Variants in P2RX7 observed in about 807,000 individuals in gnomAD.
P2RX7 encodes purinergic receptor P2X 7, also known as P2X purinoceptor 7.
In P2RX7, 62 loss-of-function variants were observed where a neutral mutation model predicts 71.6. That is an observed-to-expected ratio of 0.87 (90% confidence interval 0.71 to 1.07). The LOEUF (loss-of-function observed/expected upper bound fraction) is 1.07, where lower values mean the gene tolerates loss of function less well. Among genes scored for constraint, P2RX7 ranks in the 50% least tolerant of loss-of-function variants. The probability of loss-of-function intolerance (pLI) is 0.00; values close to 1 mark genes in which losing one functional copy is unlikely to be tolerated. For synonymous variants in P2RX7, 299 were observed against 283.3 expected (o/e 1.06, Z -0.56); for missense variants, 686 against 748.5 (o/e 0.92, Z 0.97).
intron 1 of P2RX7, among the ~76,000 whole-genome samples, chr12:121,141,732 C>T (rs114147439): frequency 1.4e-3 from 218 of 152,292 alleles, no homozygotes; most frequent in African/African-American, 4.9e-3. Context: ...GGGTTCTGTT[C>T]TTAGCATGTG....
chr12:121,134,453 G>A (rs1213038807), intron 1 of P2RX7, among the ~76,000 whole-genome samples: 8 of 152,014 alleles, frequency 5.3e-5, no homozygotes, highest in Admixed American at 2.6e-4. Flanking sequence ...GTGCAGTGGC[G>A]CAATCTTGGC....
At chr12:121,144,074 G>A (rs889424926) in intron 1 of P2RX7, among the ~76,000 whole-genome samples, 4 of 152,074 alleles carry the variant, frequency 2.6e-5, no homozygotes, top group African/African-American at 9.7e-5. Context: ...GCTCAACCCA[G>A]GTAACCATGA....
chr12:121,177,255 G>A, intron 10 of P2RX7, 42 bp from the exon 11 acceptor site: 2 of 1,614,150 alleles, frequency 1.2e-6, no homozygotes, highest in South Asian at 2.2e-5. Flanking sequence ...ATGGTTTGGA[G>A]AAGGAAGTGA....
At chr12:121,167,340 G>A in intron 7 of P2RX7, 148 bp from the exon 8 acceptor site, 4 of 809,256 alleles carry the variant, frequency 4.9e-6, no homozygotes, top group South Asian at 1.7e-5. Flanking sequence ...TAACACTTGT[G>A]CGAGTTAGGT....
chr12:121,136,023 A>AAATATATATATATATATATATAT, intron 1 of P2RX7, among the ~76,000 whole-genome samples: 1 of 15,260 alleles, frequency 6.6e-5, no homozygotes, highest in Non-Finnish European at 1.8e-4. Context: ...AAAAAAAAAA[A>AAATATATATATATATATATATAT]ATATATATAT....
At chr12:121,137,586 T>C (rs1873960105) in intron 1 of P2RX7, among the ~76,000 whole-genome samples, 1 of 152,254 alleles carries the variant, frequency 6.6e-6, no homozygotes, top group Non-Finnish European at 1.5e-5. Flanking sequence ...TCTTGGTTAA[T>C]GGACTATCTA....
chr12:121,170,064 G>A (rs1185989327), intron 8 of P2RX7, among the ~76,000 whole-genome samples: 2 of 152,160 alleles, frequency 1.3e-5, no homozygotes, highest in Non-Finnish European at 2.9e-5. Flanking sequence ...AGACGTTTGA[G>A]TTTGAAACCC....
At chr12:121,139,733 CTTTT>C (rs10696338) in intron 1 of P2RX7, among the ~76,000 whole-genome samples, 7,339 of 126,708 alleles carry the variant, frequency 0.058, 212 homozygotes, top group South Asian at 0.083. Flanking sequence ...CCCTGACCAT[CTTTT>C]TTTTTTTTTT....
intron 3 of P2RX7, among the ~76,000 whole-genome samples, chr12:121,157,425 G>C (rs1206686347): frequency 6.6e-6 from 1 of 152,170 alleles, no homozygotes; most frequent in Non-Finnish European, 1.5e-5. Context: ...CGTCTAAAAG[G>C]AGAGCTTTCT....
intron 1 of P2RX7, among the ~76,000 whole-genome samples, chr12:121,142,809 C>G (rs1000922504): frequency 1.3e-5 from 2 of 152,158 alleles, no homozygotes; most frequent in Non-Finnish European, 2.9e-5. Flanking sequence ...TTAACTTTGG[C>G]CAGGTGCAGT....
chr12:121,154,806 G>A lies in P2RX7; in HGVS notation c.147G>A (p.Lys49=), dbSNP rs776199891. Residue 49 remains lysine (K), a synonymous_variant, in exon 2 of 13, where the codon AAG becomes AAA. Coordinates refer to ENST00000328963, the MANE Select transcript of P2RX7 (RefSeq NM_002562.6). This position sits in a 1 kb window ranked among gnomAD's most constrained non-coding sequence, Gnocchi z 4.2. ...SYVCFALVSD[K]LYQRKEPVIS... is the part of the protein sequence containing the mutation. ...TTAGCTTTGCTCTGGTGAGTGACAAGCTGTACCAGCGGAAAGAGCCTGTCA... is the reference window on the plus strand; with the variant it reads ...TTAGCTTTGCTCTGGTGAGTGACAAACTGTACCAGCGGAAAGAGCCTGTCA... 1 of 1,613,808 alleles carries A rather than the reference G, an allele frequency of 6.2e-7. No homozygotes were observed. Among genetic ancestry groups the A allele is most frequent in the Non-Finnish European group, 8.5e-7 (1 of 1,179,672 alleles).
chr12:121,183,597 A>G (rs1412229029), intron 12 of P2RX7, among the ~76,000 whole-genome samples: 3 of 151,074 alleles, frequency 2.0e-5, no homozygotes, highest in Non-Finnish European at 4.4e-5. Flanking sequence ...AAATACACAC[A>G]CACACACACA....
chr12:121,163,931 C>T (rs913615268), intron 5 of P2RX7, among the ~76,000 whole-genome samples: 11 of 152,044 alleles, frequency 7.2e-5, no homozygotes, highest in Admixed American at 2.0e-4. Context: ...TTCCCAATGC[C>T]GGGATGGGGG....
intron 3 of P2RX7, among the ~76,000 whole-genome samples, chr12:121,160,599 G>T (rs1879472060): frequency 6.6e-6 from 1 of 152,164 alleles, no homozygotes; most frequent in African/African-American, 2.4e-5. Flanking sequence ...ATTGTATATG[G>T]TGTGGCCTTT....
rs1453134391 is a variant in P2RX7 at position 121,167,576 on chromosome 12, T to C, written c.833T>C (p.Leu278Pro). Residue 278 changes from leucine to proline, a missense_variant, in exon 8 of 13, where the codon CTT becomes CCT. By Grantham distance (98) the Leu-to-Pro change is moderately conservative. Transcript: ENST00000328963. Reference sequence around the variant, plus strand: ...CGTCCCAAATACAGTTTCCGTCGCCTTGACGACAAGACCACCAACGTGTCC... The same window carrying C: ...CGTCCCAAATACAGTTTCCGTCGCCCTGACGACAAGACCACCAACGTGTCC... Reference protein sequence around the residue: ...HCRPKYSFRRLDDKTTNVSLY... With the variant: ...HCRPKYSFRRPDDKTTNVSLY... 4 of 1,611,918 alleles carry C rather than the reference T, an allele frequency of 2.5e-6. No homozygotes were observed. The African/African-American group carries it at 4.0e-5, about 16-fold the overall frequency.
At chr12:121,153,138 A>G (rs1301997540) in intron 1 of P2RX7, among the ~76,000 whole-genome samples, 1 of 152,186 alleles carries the variant, frequency 6.6e-6, no homozygotes, top group African/African-American at 2.4e-5. Context: ...GTATCTGGAT[A>G]ACTCCCCCGA....
intron 12 of P2RX7, among the ~76,000 whole-genome samples, chr12:121,182,144 C>G (rs1038515234): frequency 6.7e-6 from 1 of 150,196 alleles, no homozygotes; most frequent in African/African-American, 2.4e-5. Flanking sequence ...TTGAATTGTA[C>G]TGATTGATTT....
chr12:121,136,021 A>ATATATATATATATAT (rs1250639431), intron 1 of P2RX7, among the ~76,000 whole-genome samples: 4 of 16,610 alleles, frequency 2.4e-4, no homozygotes, highest in Non-Finnish European at 9.9e-4. Flanking sequence ...AAAAAAAAAA[A>ATATATATATATATAT]AAATATATAT....
chr12:121,154,845 C>T lies in P2RX7; in HGVS notation c.186C>T (p.His62=). Residue 62 remains histidine, a synonymous_variant, in exon 2 of 13, where the codon CAC becomes CAT. Coordinates refer to ENST00000328963, the MANE Select transcript of P2RX7 (RefSeq NM_002562.6). This position sits in a 1 kb window ranked among gnomAD's most constrained non-coding sequence, Gnocchi z 4.2. ...QRKEPVISSV[H]TKVKGIAEVK... is the part of the protein sequence containing the mutation. ...AAGAGCCTGTCATCAGTTCTGTGCA[C>T]ACCAAGGTGAAGGGGATAGCAGAGG... 1 of 1,614,204 alleles carries T rather than the reference C, an allele frequency of 6.2e-7. No individual in the cohort carries two copies. The highest frequency in any genetic ancestry group is 8.5e-7 in the Non-Finnish European group (1 of 1,180,022).
Sources: allele counts gnomAD v4.1 joint callset (sites outside exome capture counted in the v4.1 genomes callset), GRCh38; gene constraint gnomAD v4.1.1; non-coding constraint Gnocchi (gnomAD v3.1); transcripts MANE v1.5; gene names NCBI Gene and HGNC (gene_info 2026-07-23, HGNC 2026-07-21).